Variants in ARHGEF37 observed in about 807,000 individuals in gnomAD.
ARHGEF37 encodes the protein Rho guanine nucleotide exchange factor (GEF) 37.
A neutral mutation model predicts 71.1 loss-of-function variants in ARHGEF37; 55 were observed. The observed-to-expected ratio is 0.77, with a 90% CI of 0.62 to 0.97. ARHGEF37 has a LOEUF of 0.97. Among genes scored for constraint, ARHGEF37 ranks in the 50% least tolerant of loss-of-function variants. ARHGEF37 has a pLI of 0.00. For missense variants in ARHGEF37, 765 were observed against 836.8 expected, an observed-to-expected ratio of 0.91 and a Z score of 1.06; for synonymous variants, 327 against 350.6, an observed-to-expected ratio of 0.93 and a Z score of 0.75.
chr5:149,607,427 C>T (rs1018183305), intron 3 of ARHGEF37, among the ~76,000 whole-genome samples: 14 of 152,168 alleles, frequency 9.2e-5, no homozygotes, highest in Admixed American at 5.2e-4. Context: ...TCACATCTTG[C>T]GAAAGGCCTT....
chr5:149,576,734 T>C (rs542869375), upstream of ARHGEF37, among the ~76,000 whole-genome samples: 1 of 152,254 alleles, frequency 6.6e-6, no homozygotes, highest in African/African-American at 2.4e-5. Flanking sequence ...GGCAGGTGGA[T>C]CACCTGAGGT....
intron 12 of ARHGEF37, 107 bp from the exon 13 acceptor site, chr5:149,631,875 T>C: frequency 8.9e-7 from 1 of 1,127,862 alleles, no homozygotes; most frequent in South Asian, 1.5e-5. Flanking sequence ...CATCCAGCAA[T>C]GGGGACGAGA....
rs577265757 is a variant in ARHGEF37, at chr5:149,608,661, C to T, written c.311-887C>T. ...CTGGGATTATAGGCGTGACCCACCACACCCGGCAGTAAGTACTGTTTCTAT... is the reference window on the plus strand; with the variant it reads ...CTGGGATTATAGGCGTGACCCACCATACCCGGCAGTAAGTACTGTTTCTAT... On this transcript the variant is annotated intron_variant, in intron 3 of 12. Transcript: ENST00000333677. Among the ~76,000 whole-genome samples the T allele has an allele frequency of 8.5e-5, 13 of 152,196 alleles. No homozygotes were observed. The South Asian group carries it at 1.2e-3, about 15-fold the overall frequency.
chr5:149,607,499 C>G (rs1028525947), intron 3 of ARHGEF37, among the ~76,000 whole-genome samples: 13 of 152,220 alleles, frequency 8.5e-5, no homozygotes, highest in African/African-American at 2.9e-4. Flanking sequence ...ATTCATGGCA[C>G]TTATCATATG....
At chr5:149,594,298 G>A (rs1763486777) in intron 1 of ARHGEF37, among the ~76,000 whole-genome samples, 1 of 152,230 alleles carries the variant, frequency 6.6e-6, no homozygotes, top group Admixed American at 6.5e-5. Context: ...TGTGGAACCT[G>A]AATAGCTTTC....
intron 2 of ARHGEF37, among the ~76,000 whole-genome samples, chr5:149,598,673 A>G (rs1763648252): frequency 6.6e-6 from 1 of 150,952 alleles, no homozygotes; most frequent in African/African-American, 2.4e-5. Flanking sequence ...GGGTACCCTG[A>G]GATAAATCAA....
upstream of ARHGEF37, among the ~76,000 whole-genome samples, chr5:149,577,514 G>A (rs1368751304): frequency 6.6e-6 from 1 of 152,152 alleles, no homozygotes; most frequent in Non-Finnish European, 1.5e-5. Context: ...AACAGCAAGT[G>A]ATTCTAATGA....
chr5:149,616,766 G>A lies in ARHGEF37; in HGVS notation c.658G>A (p.Ala220Thr). ...TGAGTACAAGATGCGCAAGGAAGTG[G>A]GTAAGGACTTGGGCATTTAAGGGGA... ...INEYKMRKEVASKYTKVEQLT... is the reference protein window; with the variant it reads ...INEYKMRKEVTSKYTKVEQLT... The change falls in exon 5 of 13, where the codon GCC becomes ACC. Residue 220 changes from alanine (A) to threonine (T), a missense_variant and splice_region_variant. By Grantham distance (58) the Ala-to-Thr change is moderately conservative. Transcript: ENST00000333677. 3.8e-6 allele frequency: 6 copies of A among 1,593,352 alleles called. No individual in the cohort carries two copies. The highest frequency in any genetic ancestry group is 4.3e-6 in the Non-Finnish European group (5 of 1,164,018).
At position 149,632,207 on chromosome 5, in the gene ARHGEF37, G is replaced by A. The variant is rs1339129752; in HGVS notation, c.*16G>A. The A allele has an allele frequency of 6.2e-7, 1 of 1,610,462 alleles. No individual in the cohort carries two copies. Among genetic ancestry groups the A allele is most frequent in the Admixed American group, 1.7e-5 (1 of 59,898 alleles). On this transcript the variant is annotated 3_prime_UTR_variant, in exon 13 of 13. Coordinates refer to ENST00000333677, the MANE Select transcript of ARHGEF37 (RefSeq NM_001001669.3). ...GCCCTCTTAGGGTACCCTCTTTGGA[G>A]CCTACATTGCCAAATGATGGGGGAG... is the stretch of plus-strand genomic sequence containing the variant.
chr5:149,608,871 A>C (rs576458647), intron 3 of ARHGEF37, among the ~76,000 whole-genome samples: 1 of 152,126 alleles, frequency 6.6e-6, no homozygotes, highest in Non-Finnish European at 1.5e-5. Flanking sequence ...CTTGCCACAC[A>C]TTTTATCTTT....
intron 1 of ARHGEF37, among the ~76,000 whole-genome samples, chr5:149,594,308 C>T (rs1213532310): frequency 6.6e-6 from 1 of 152,186 alleles, no homozygotes; most frequent in African/African-American, 2.4e-5. Context: ...GAATAGCTTT[C>T]CTGAAATTCT....
chr5:149,591,601 T>C (rs985050916), intron 1 of ARHGEF37, among the ~76,000 whole-genome samples: 10 of 152,244 alleles, frequency 6.6e-5, no homozygotes, highest in African/African-American at 2.2e-4. Flanking sequence ...AGATAGTGAA[T>C]AACTTAAGCT....
intron 3 of ARHGEF37, among the ~76,000 whole-genome samples, chr5:149,608,231 G>A (rs558608684): frequency 9.2e-5 from 14 of 151,968 alleles, no homozygotes; most frequent in African/African-American, 2.9e-4. Context: ...AGGTCACTGG[G>A]GATATGATGG....
In ARHGEF37 at chr5:149,593,070, A is replaced by G. The variant is rs532000980; in HGVS notation, c.-11-4689A>G. Among the ~76,000 whole-genome samples, 5 of 152,240 alleles carry G rather than the reference A, an allele frequency of 3.3e-5. No individual in the cohort carries two copies. The East Asian group carries it at 5.8e-4, about 18-fold the overall frequency. ...CAGGTGTAAGCCGCTGTACCCAGGC[A>G]TTTTACATTTTCACCAGCAGTGTAT... is the stretch of plus-strand genomic sequence containing the variant. On this transcript the variant is annotated intron_variant, in intron 1 of 12. Transcript: ENST00000333677.
chr5:149,613,207 A>C (rs1022416501), intron 4 of ARHGEF37, among the ~76,000 whole-genome samples: 5 of 152,268 alleles, frequency 3.3e-5, no homozygotes, highest in African/African-American at 1.2e-4. Context: ...GAACAAAAGG[A>C]AAGTTCCAAT....
At chr5:149,606,266 C>T (rs1191091439) in intron 3 of ARHGEF37, among the ~76,000 whole-genome samples, 1 of 152,220 alleles carries the variant, frequency 6.6e-6, no homozygotes, top group East Asian at 1.9e-4. Context: ...CACACAGCTT[C>T]TTCCTGGCTG....
At chr5:149,555,911 G>T (rs1580876952) in intron 1 of ARHGEF37, among the ~76,000 whole-genome samples, 1 of 151,910 alleles carries the variant, frequency 6.6e-6, no homozygotes, top group East Asian at 1.9e-4. Flanking sequence ...ATCGCTTGAG[G>T]CCAGGAGTTC....
At chr5:149,585,099 A>T (rs1763196492) in intron 1 of ARHGEF37, among the ~76,000 whole-genome samples, 1 of 152,214 alleles carries the variant, frequency 6.6e-6, no homozygotes, top group African/African-American at 2.4e-5. Flanking sequence ...CCACAGTGAA[A>T]TATCACTTCA....
At chr5:149,595,370 G>A (rs113585803) in intron 1 of ARHGEF37, among the ~76,000 whole-genome samples, 1 of 151,936 alleles carries the variant, frequency 6.6e-6, no homozygotes, top group African/African-American at 2.4e-5. Context: ...CTGTAGAGAC[G>A]AAATCTCACT....
Sources: gnomAD v4.1 joint callset for allele counts (sites outside exome capture counted in the v4.1 genomes callset) on GRCh38, gnomAD v4.1.1 for gene constraint, MANE v1.5 for transcripts, NCBI Gene and HGNC (gene_info 2026-07-23, HGNC 2026-07-21) for gene names.